The following ALPK2 variants were observed in gnomAD, a reference collection of about 807,000 sequenced individuals.
ALPK2 encodes alpha-protein kinase 2.
Under a neutral mutation model 163.1 loss-of-function variants are expected in ALPK2, and 127 were observed. The ratio of observed to expected loss-of-function variants is 0.78; its 90% CI spans 0.67 to 0.90. ALPK2 has a LOEUF of 0.90. Among genes scored for constraint, ALPK2 ranks in the 40% least tolerant of loss-of-function variants. The pLI, the probability that ALPK2 is intolerant of heterozygous loss-of-function variation, is 0.00. For missense variants in ALPK2, 2,360 were observed against 2,589.6 expected, an observed-to-expected ratio of 0.91 and a Z score of 1.92; for synonymous variants, 953 against 959.1, an observed-to-expected ratio of 0.99 and a Z score of 0.12.
intron 4 of ALPK2, among the ~76,000 whole-genome samples, chr18:58,561,478 C>A (rs980374320): frequency 6.6e-6 from 1 of 152,090 alleles, no homozygotes; most frequent in Non-Finnish European, 1.5e-5. Flanking sequence ...ATCCCGCCCC[C>A]AAAAGCAGAC....
intron 4 of ALPK2, among the ~76,000 whole-genome samples, chr18:58,559,409 A>T (rs1032270453): frequency 8.9e-6 from 1 of 111,998 alleles, no homozygotes; most frequent in Admixed American, 7.9e-5. Flanking sequence ...CAGCTACAAC[A>T]TCCTTTGCCC....
At chr18:58,482,625 G>C (rs1030356384) in intron 12 of ALPK2, among the ~76,000 whole-genome samples, 1 of 152,146 alleles carries the variant, frequency 6.6e-6, no homozygotes, top group Admixed American at 6.5e-5. Flanking sequence ...AGCCCGCTTT[G>C]TCCCCAGGAG....
At chr18:58,538,728 T>C (rs1472128562) in intron 4 of ALPK2, among the ~76,000 whole-genome samples, 2 of 152,196 alleles carry the variant, frequency 1.3e-5, no homozygotes, top group Admixed American at 6.5e-5. Context: ...AAACCTCATG[T>C]TGAAATTTGA....
chr18:58,571,874 G>A (rs996333477), intron 4 of ALPK2, among the ~76,000 whole-genome samples: 1 of 151,510 alleles, frequency 6.6e-6, no homozygotes, highest in African/African-American at 2.4e-5. Flanking sequence ...TACTTGGGAG[G>A]CTGAGGCAGG....
Position 58,502,180 on chromosome 18 carries a change from A to AC in ALPK2, c.6247+1750_6247+1751insG, listed in dbSNP as rs1568067735. Among the ~76,000 whole-genome samples, 680 of 130,014 alleles carry AC rather than the reference A, an allele frequency of 5.2e-3. 5 individuals carry two copies. The highest frequency in any genetic ancestry group is 0.016 in the African/African-American group (612 of 37,456). The allele number at this position is 130,014 out of a possible 152,430, so 85.3% of individuals were successfully genotyped here. A position where few individuals can be genotyped will look rare whatever the true frequency, so the allele number is the denominator to read the frequency against. On this transcript the variant is annotated intron_variant, in intron 11 of 12. Transcript: ENST00000361673. ...CACACACACACACACACACACACACAAAGAAAAAAAAAAGGAAAGAAAAAA... is the reference window on the plus strand; with the variant it reads ...CACACACACACACACACACACACACACAAGAAAAAAAAAAGGAAAGAAAAAA...
At chr18:58,563,139 C>A (rs1214066710) in intron 4 of ALPK2, among the ~76,000 whole-genome samples, 1 of 150,952 alleles carries the variant, frequency 6.6e-6, no homozygotes, top group African/African-American at 2.5e-5. Context: ...AAATGATATC[C>A]ATATCTATTG....
chr18:58,551,427 G>A (rs1191338632), intron 4 of ALPK2, among the ~76,000 whole-genome samples: 1 of 152,140 alleles, frequency 6.6e-6, no homozygotes, highest in African/African-American at 2.4e-5. Context: ...CTTTCCGTGT[G>A]TCCTCTCCTC....
chr18:58,608,048 T>A (rs2052107744), intron 2 of ALPK2, among the ~76,000 whole-genome samples: 1 of 152,236 alleles, frequency 6.6e-6, no homozygotes, highest in African/African-American at 2.4e-5. Flanking sequence ...CCTCAAACTT[T>A]AATAGTTTCT....
chr18:58,553,992 C>CTG (rs2051775278), intron 4 of ALPK2, among the ~76,000 whole-genome samples: 1 of 150,720 alleles, frequency 6.6e-6, no homozygotes, highest in African/African-American at 2.4e-5. Context: ...CTCCTGAGTA[C>CTG]CTGGGAATAC....
intron 8 of ALPK2, among the ~76,000 whole-genome samples, chr18:58,519,613 A>C (rs1250576901): frequency 6.6e-6 from 1 of 152,212 alleles, no homozygotes; most frequent in Non-Finnish European, 1.5e-5. Context: ...CCTGTCTATA[A>C]TTTCCAACAG....
At chr18:58,515,749 C>T (rs746137334) in intron 9 of ALPK2, among the ~76,000 whole-genome samples, 6 of 152,198 alleles carry the variant, frequency 3.9e-5, no homozygotes, top group African/African-American at 1.4e-4. Context: ...CGCAGGATCA[C>T]GATGCTTAAT....
At chr18:58,546,522 G>A (rs1038521273) in intron 4 of ALPK2, among the ~76,000 whole-genome samples, 1 of 152,140 alleles carries the variant, frequency 6.6e-6, no homozygotes, top group African/African-American at 2.4e-5. Flanking sequence ...AGTAATAATT[G>A]CTAATCCCTA....
intron 10 of ALPK2, among the ~76,000 whole-genome samples, chr18:58,513,780 TG>T (rs771223495): frequency 7.2e-5 from 11 of 152,152 alleles, no homozygotes; most frequent in Non-Finnish European, 1.5e-4. Flanking sequence ...CTTTGGAGGC[TG>T]GATCACTTGA....
At chr18:58,554,156 A>G (rs2051776530) in intron 4 of ALPK2, among the ~76,000 whole-genome samples, 1 of 152,140 alleles carries the variant, frequency 6.6e-6, no homozygotes, top group African/African-American at 2.4e-5. Context: ...CTCTGTGCCC[A>G]CCCTCAGGCA....
intron 3 of ALPK2, among the ~76,000 whole-genome samples, chr18:58,601,556 G>A (rs1269482194): frequency 6.6e-6 from 1 of 152,148 alleles, no homozygotes; most frequent in Non-Finnish European, 1.5e-5. Flanking sequence ...ATGAGGCCCT[G>A]CAGCTCCGTG....
At chr18:58,624,132 T>C (rs949449944) in intron 1 of ALPK2, among the ~76,000 whole-genome samples, 1 of 152,220 alleles carries the variant, frequency 6.6e-6, no homozygotes, top group African/African-American at 2.4e-5. Context: ...TCTTGGTCAC[T>C]GATTGAGTCA....
At chr18:58,578,733 G>GACATACACACACACAC (rs2051934862) in intron 4 of ALPK2, 81 bp downstream of exon 4, 1 of 474,390 alleles carries the variant, frequency 2.1e-6, no homozygotes, top group Non-Finnish European at 3.5e-6. Flanking sequence ...TAAAGGAAGA[G>GACATACACACACACAC]ACACACACAC....
intron 4 of ALPK2, among the ~76,000 whole-genome samples, chr18:58,562,996 C>T (rs1290501243): frequency 6.6e-6 from 1 of 152,182 alleles, no homozygotes; most frequent in Non-Finnish European, 1.5e-5. Context: ...AGGACTTGGA[C>T]ATATAAATTT....
intron 11 of ALPK2, among the ~76,000 whole-genome samples, chr18:58,502,182 AG>A (rs1568067767): frequency 1.4e-5 from 2 of 145,172 alleles, no homozygotes; most frequent in South Asian, 2.2e-4. Context: ...ACACACACAA[AG>A]AAAAAAAAAA....
Sources: gnomAD v4.1 joint callset for allele counts (sites outside exome capture counted in the v4.1 genomes callset) on GRCh38, gnomAD v4.1.1 for gene constraint, MANE v1.5 for transcripts, NCBI Gene and HGNC (gene_info 2026-07-23, HGNC 2026-07-21) for gene names.